Variants in LEMD3 observed in about 807,000 individuals in gnomAD.
The protein encoded by LEMD3 is inner nuclear membrane protein Man1.
LEMD3 carries 33 observed loss-of-function variants against 95.2 expected under a neutral mutation model. That is an observed-to-expected ratio of 0.35 (90% CI 0.26 to 0.46). LEMD3 has a LOEUF of 0.46. Ranked by LOEUF, LEMD3 falls within the 20% of genes least tolerant of loss-of-function variation. The pLI is 1.00. For missense variants in LEMD3, 1,210 were observed against 1,192.8 expected, an observed-to-expected ratio of 1.01 and a Z score of -0.21; for synonymous variants, 525 against 474.6, an observed-to-expected ratio of 1.11 and a Z score of -1.38.
chr12:65,185,260 G>A (rs1869026112), intron 1 of LEMD3, among the ~76,000 whole-genome samples: 1 of 152,090 alleles, frequency 6.6e-6, no homozygotes. Context: ...AGTGAGGATT[G>A]AGCCAATATG....
chr12:65,203,739 C>T (rs1869675656), intron 1 of LEMD3, among the ~76,000 whole-genome samples: 1 of 152,140 alleles, frequency 6.6e-6, no homozygotes, highest in Non-Finnish European at 1.5e-5. Flanking sequence ...GTGTTGAAGT[C>T]TCTATATTAG....
In LEMD3 at chr12:65,241,024, A is replaced by G. The variant is rs76293710; in HGVS notation, c.2242A>G (p.Ile748Val). The G allele has an allele frequency of 4.3e-6, 7 of 1,614,068 alleles. No individual in the cohort carries two copies. In the East Asian group the frequency reaches 1.6e-4, roughly 36 times the overall value. ...TGCAGATTTTCTGGTTTGGCGGTGG[A>G]TCCAGCCTTCTGCATCCTGTGACAA... Reference protein sequence around the residue: ...GGADFLVWRWIQPSASCDKIL... With the variant: ...GGADFLVWRWVQPSASCDKIL... The change falls in exon 9 of 13, where the codon ATC becomes GTC. Residue 748 changes from isoleucine (I) to valine (V), a missense_variant. Ile to Val is a conservative substitution (Grantham distance 29). Transcript: ENST00000308330.
chr12:65,212,462 G>A (rs535767767), intron 2 of LEMD3, among the ~76,000 whole-genome samples: 17 of 151,594 alleles, frequency 1.1e-4, no homozygotes, highest in South Asian at 2.1e-4. Flanking sequence ...GCCTGAACCC[G>A]GGAGGCGGAG....
intron 1 of LEMD3, among the ~76,000 whole-genome samples, chr12:65,202,033 T>A (rs1263472134): frequency 6.7e-6 from 1 of 149,588 alleles, no homozygotes; most frequent in Non-Finnish European, 1.5e-5. Flanking sequence ...TTTTTTGAGA[T>A]GGAATTTTGT....
At chr12:65,203,537 T>G (rs1166091815) in intron 1 of LEMD3, among the ~76,000 whole-genome samples, 2 of 152,192 alleles carry the variant, frequency 1.3e-5, no homozygotes, top group Non-Finnish European at 2.9e-5. Flanking sequence ...AAATTTGTTA[T>G]GGCATGTTTT....
intron 1 of LEMD3, among the ~76,000 whole-genome samples, chr12:65,178,103 C>T (rs1868784409): frequency 6.6e-6 from 1 of 152,024 alleles, no homozygotes; most frequent in African/African-American, 2.4e-5. Context: ...ACCTTCGCCT[C>T]CCAAAGTGCT....
intron 1 of LEMD3, among the ~76,000 whole-genome samples, chr12:65,176,737 ATC>A (rs1450371868): frequency 6.6e-6 from 1 of 152,214 alleles, no homozygotes; most frequent in Admixed American, 6.5e-5. Context: ...TGATAATACT[ATC>A]TGAGGATGAC....
chr12:65,224,317 T>G (rs1167342791), intron 4 of LEMD3, among the ~76,000 whole-genome samples: 1 of 152,190 alleles, frequency 6.6e-6, no homozygotes, highest in Admixed American at 6.5e-5. Flanking sequence ...TGGCTTTTAT[T>G]CTGAAAAAAT....
At chr12:65,193,626 C>A (rs1869313748) in intron 1 of LEMD3, among the ~76,000 whole-genome samples, 1 of 152,064 alleles carries the variant, frequency 6.6e-6, no homozygotes, top group African/African-American at 2.4e-5. Context: ...TCAGGTGTTT[C>A]TGTTTACTGG....
chr12:65,245,852 A>T lies in LEMD3; in HGVS notation c.2494-9A>T. On this transcript the variant is annotated splice_polypyrimidine_tract_variant and intron_variant, in intron 11 of 12. Transcript: ENST00000308330. ...CTAAGACTATTTTCTTTCTTTTTTA[A>T]TATCACAGGGTTGTGTATATGTTAA... 1 of 1,610,026 alleles carries T rather than the reference A, an allele frequency of 6.2e-7. No individual in the cohort carries two copies. The highest frequency in any genetic ancestry group is 1.1e-5 in the South Asian group (1 of 90,994).
At chr12:65,199,794 A>G (rs1226275309) in intron 1 of LEMD3, among the ~76,000 whole-genome samples, 1 of 152,090 alleles carries the variant, frequency 6.6e-6, no homozygotes, top group African/African-American at 2.4e-5. Flanking sequence ...ACCAAAGAGC[A>G]TGATTAATGG....
chr12:65,203,658 T>G (rs762622654), intron 1 of LEMD3, among the ~76,000 whole-genome samples: 5 of 152,202 alleles, frequency 3.3e-5, no homozygotes, highest in Non-Finnish European at 5.9e-5. Flanking sequence ...TCCAGTTAAT[T>G]AATGATTTGT....
intron 1 of LEMD3, among the ~76,000 whole-genome samples, chr12:65,197,698 C>T (rs990610): frequency 0.97 from 146,971 of 152,192 alleles, 71,155 homozygotes; most frequent in East Asian, 1. Flanking sequence ...AAGTCAATGA[C>T]GGGAACTTCT....
rs1592456318 is a variant in LEMD3 at position 65,227,518 on chromosome 12, T to C, written c.1695+8899T>C. Among the ~76,000 whole-genome samples, 2 of 152,328 alleles carry C rather than the reference T, an allele frequency of 1.3e-5. 1 individual carries two copies. Among genetic ancestry groups the C allele is most frequent in the Non-Finnish European group, 2.9e-5 (2 of 68,032 alleles). On this transcript the variant is annotated intron_variant, in intron 4 of 12. Transcript: ENST00000308330. ...AATTTGTAGATGCTCAAGTTCTTTA[T>C]ATAAAATACTGTAGTATTTACATAT...
intron 1 of LEMD3, among the ~76,000 whole-genome samples, chr12:65,192,103 C>T (rs1187699042): frequency 6.9e-6 from 1 of 145,008 alleles, no homozygotes; most frequent in African/African-American, 2.6e-5. Context: ...TACACAGTTG[C>T]TTAAAAAAAA....
chr12:65,210,828 G>T, intron 1 of LEMD3, 98 bp from the exon 2 acceptor site: 1 of 935,548 alleles, frequency 1.1e-6, no homozygotes, highest in Non-Finnish European at 1.8e-6. Flanking sequence ...TTTATATCCA[G>T]TTTTAGCAAA....
chr12:65,176,964 A>G (rs1410465671), intron 1 of LEMD3, among the ~76,000 whole-genome samples: 1 of 152,216 alleles, frequency 6.6e-6, no homozygotes, highest in African/African-American at 2.4e-5. Flanking sequence ...TCTGGTAAGG[A>G]TATATAAAAG....
chr12:65,179,211 A>G (rs532544856), intron 1 of LEMD3, among the ~76,000 whole-genome samples: 9 of 152,242 alleles, frequency 5.9e-5, no homozygotes, highest in African/African-American at 1.7e-4. Flanking sequence ...AACTTTTCAT[A>G]CATTTGATCT....
intron 1 of LEMD3, among the ~76,000 whole-genome samples, chr12:65,195,604 C>G (rs1453826020): frequency 2.0e-5 from 3 of 152,082 alleles, no homozygotes; most frequent in Admixed American, 2.0e-4. Context: ...GCATTTATAT[C>G]TCAAAGGCAC....
Sources: allele counts gnomAD v4.1 joint callset (sites outside exome capture counted in the v4.1 genomes callset), GRCh38; gene constraint gnomAD v4.1.1; transcripts MANE v1.5; gene names NCBI Gene and HGNC (gene_info 2026-07-23, HGNC 2026-07-21).